Variants in GRAMD4 observed in about 807,000 individuals in gnomAD.
The protein encoded by GRAMD4 is GRAM domain-containing protein 4.
A neutral mutation model predicts 83.9 loss-of-function variants in GRAMD4; 25 were observed. The ratio of observed to expected loss-of-function variants is 0.30; its 90% CI spans 0.22 to 0.42. The LOEUF is 0.42. Among genes scored for constraint, GRAMD4 ranks in the 10% least tolerant of loss-of-function variants. GRAMD4 has a pLI of 1.00. For synonymous variants in GRAMD4, 336 were observed against 320.9 expected, an observed-to-expected ratio of 1.05 and a Z score of -0.50; for missense variants, 593 against 788.7, an observed-to-expected ratio of 0.75 and a Z score of 2.97.
Position 46,672,286 on chromosome 22 carries a change from C to A in GRAMD4, c.1085-557C>A, listed in dbSNP as rs779765023. ...TGACAGTATCGGGGAGAAAACGGAG[C>A]TGGTGGAGGGGAACTTGCGAGGGCG... On this transcript the variant is annotated intron_variant, in intron 13 of 18. Transcript: ENST00000406902. This position sits in a 1 kb window ranked among gnomAD's most constrained non-coding sequence, Gnocchi z 4.7. Among the ~76,000 whole-genome samples the A allele has an allele frequency of 6.6e-6, 1 of 151,924 alleles. No homozygotes were observed. Among genetic ancestry groups the A allele is most frequent in the Admixed American group, 6.5e-5 (1 of 15,272 alleles).
At chr22:46,581,810 G>A (rs1021421797) in intron 1 of GRAMD4, among the ~76,000 whole-genome samples, 3 of 152,254 alleles carry the variant, frequency 2.0e-5, no homozygotes, top group Admixed American at 1.3e-4. Flanking sequence ...ATGCACGGGG[G>A]TTGGGCGGAG....
chr22:46,643,747 A>T (rs189403058), intron 3 of GRAMD4, among the ~76,000 whole-genome samples: 10 of 152,152 alleles, frequency 6.6e-5, no homozygotes, highest in African/African-American at 2.4e-4. Flanking sequence ...TCATGAAGAG[A>T]CTCAGGTCAT....
intron 1 of GRAMD4, among the ~76,000 whole-genome samples, chr22:46,581,779 T>C (rs1303399918): frequency 6.6e-6 from 1 of 152,256 alleles, no homozygotes; most frequent in African/African-American, 2.4e-5. Flanking sequence ...CAATGGGCTG[T>C]GCTTCTAACC....
intron 1 of GRAMD4, among the ~76,000 whole-genome samples, chr22:46,583,983 G>T (rs1050923730): frequency 3.3e-5 from 5 of 152,204 alleles, no homozygotes; most frequent in Non-Finnish European, 5.9e-5. Flanking sequence ...CCATTTATCA[G>T]TTTATGCAGC....
chr22:46,655,773 G>C (rs2082234082), intron 3 of GRAMD4, among the ~76,000 whole-genome samples: 1 of 152,228 alleles, frequency 6.6e-6, no homozygotes, highest in South Asian at 2.1e-4. Flanking sequence ...CAAGGCCCTA[G>C]GCAGAGGCCA....
At chr22:46,584,951 T>G (rs1190506656) in intron 1 of GRAMD4, among the ~76,000 whole-genome samples, 1 of 152,184 alleles carries the variant, frequency 6.6e-6, no homozygotes, top group African/African-American at 2.4e-5. Context: ...CCTGGCCAGG[T>G]CTGTCCCCTC....
chr22:46,661,388 G>A lies in GRAMD4; in HGVS notation c.412G>A (p.Glu138Lys). 1 of 1,612,414 alleles carries A rather than the reference G, an allele frequency of 6.2e-7. No homozygotes were observed. Among genetic ancestry groups the A allele is most frequent in the Non-Finnish European group, 8.5e-7 (1 of 1,179,546 alleles). ...VQEVLKARTEEQMAQQPPKGQ... is the reference protein window; with the variant it reads ...VQEVLKARTEKQMAQQPPKGQ... Reference sequence around the variant, plus strand: ...CTCTCCCTGCTTTTTAAGAACCGAGGAGCAGATGGCTCAGCAGCCCCCAAA... The same window carrying A: ...CTCTCCCTGCTTTTTAAGAACCGAGAAGCAGATGGCTCAGCAGCCCCCAAA... Residue 138 changes from glutamate (E) to lysine (K), a missense_variant, in exon 5 of 19, where the codon GAG becomes AAG. Around this residue, in one of 4 missense-constraint regions of GRAMD4, gnomAD observed 312 missense variants for 350.7 expected, o/e 0.89. Coordinates refer to ENST00000406902, the MANE Select transcript of GRAMD4 (RefSeq NM_015124.5).
rs551399881 is a variant in GRAMD4, at chr22:46,612,923, C to A, written c.-49-13828C>A. Among the ~76,000 whole-genome samples the A allele has an allele frequency of 9.8e-5, 15 of 152,344 alleles. 1 individual carries two copies. The East Asian group carries it at 2.9e-3, about 29-fold the overall frequency. On this transcript the variant is annotated intron_variant, in intron 1 of 1. Coordinates refer to the GRAMD4 transcript ENST00000431155. Reference sequence around the variant, plus strand: ...CATGGTTCTCTCCTGTGGCTGCCCACAGCCCCTGCTCACCCACAGGCCCTT... The same window carrying A: ...CATGGTTCTCTCCTGTGGCTGCCCAAAGCCCCTGCTCACCCACAGGCCCTT...
chr22:46,674,544 G>T, intron 15 of GRAMD4, 113 bp from the exon 16 acceptor site: 2 of 805,560 alleles, frequency 2.5e-6, no homozygotes, highest in South Asian at 2.8e-5. Context: ...GGTGTGACGT[G>T]AGCGCGGTGG....
intron 15 of GRAMD4, 154 bp from the exon 16 acceptor site, chr22:46,674,503 A>C: frequency 1.5e-6 from 1 of 687,986 alleles, no homozygotes; most frequent in African/African-American, 1.8e-5. Flanking sequence ...GGGCCACCTC[A>C]CTCTTGCCGG....
chr22:46,580,710 A>G (rs934379430), intron 1 of GRAMD4, among the ~76,000 whole-genome samples: 35 of 152,344 alleles, frequency 2.3e-4, no homozygotes, highest in African/African-American at 7.5e-4. Context: ...CACGCCTGTA[A>G]TCCCAACACT....
chr22:46,668,978 T>C, intron 13 of GRAMD4, 70 bp downstream of exon 13: 1 of 847,504 alleles, frequency 1.2e-6, no homozygotes, highest in Non-Finnish European at 2.0e-6. Flanking sequence ...CACCAGTGTC[T>C]GCCAGGTGTC....
intron 3 of GRAMD4, among the ~76,000 whole-genome samples, chr22:46,644,046 A>C (rs938612894): frequency 6.6e-6 from 1 of 152,204 alleles, no homozygotes; most frequent in African/African-American, 2.4e-5. Flanking sequence ...TTTTATAAAC[A>C]TGAGCATCTA....
chr22:46,602,505 G>A (rs1368692203), intron 1 of GRAMD4, among the ~76,000 whole-genome samples: 1 of 151,980 alleles, frequency 6.6e-6, no homozygotes, highest in Non-Finnish European at 1.5e-5. Context: ...TTTACAAAAA[G>A]TACAAAAATT....
intron 1 of GRAMD4, among the ~76,000 whole-genome samples, chr22:46,577,860 G>C (rs1023268474): frequency 6.6e-6 from 1 of 152,230 alleles, no homozygotes; most frequent in African/African-American, 2.4e-5. Context: ...TGGCACCTTG[G>C]CTGTAGCCCA....
intron 1 of GRAMD4, among the ~76,000 whole-genome samples, chr22:46,608,104 C>T (rs952998904): frequency 3.9e-5 from 6 of 152,186 alleles, no homozygotes; most frequent in Admixed American, 2.0e-4. Flanking sequence ...CATTGTGGTT[C>T]GTGGACATGC....
intron 1 of GRAMD4, among the ~76,000 whole-genome samples, chr22:46,598,275 C>G (rs376103074): frequency 7.2e-5 from 11 of 152,136 alleles, no homozygotes; most frequent in African/African-American, 2.7e-4. Context: ...AGCCACCACA[C>G]CTGGCTGGGT....
At chr22:46,635,083 G>C (rs2081840330) in intron 2 of GRAMD4, among the ~76,000 whole-genome samples, 1 of 118,478 alleles carries the variant, frequency 8.4e-6, no homozygotes, top group South Asian at 2.6e-4. Context: ...TCCTGTCTTG[G>C]GGAGCCGTGT....
chr22:46,636,341 C>T (rs996095409), intron 2 of GRAMD4, among the ~76,000 whole-genome samples: 4 of 152,206 alleles, frequency 2.6e-5, no homozygotes, highest in Non-Finnish European at 4.4e-5. Flanking sequence ...CCACAGGGTC[C>T]GTCCAGCGGG....
Sources: gnomAD v4.1 joint callset for allele counts (sites outside exome capture counted in the v4.1 genomes callset) on GRCh38, gnomAD v4.1.1 for gene constraint, gnomAD v4.1.1 regional missense constraint, Gnocchi (gnomAD v3.1) non-coding constraint, MANE v1.5 for transcripts, NCBI Gene and HGNC (gene_info 2026-07-23, HGNC 2026-07-21) for gene names.